CEP112: variants seen among roughly 807,000 people sequenced by gnomAD.
CEP112 encodes the protein centrosomal protein 112.
In CEP112, 127 loss-of-function variants were observed where a neutral mutation model predicts 153.0. The observed-to-expected ratio is 0.83, with a 90% CI of 0.72 to 0.96. The LOEUF (loss-of-function observed/expected upper bound fraction) is 0.96. Ranked by LOEUF, CEP112 falls within the 40% of genes least tolerant of loss-of-function variation. The probability of loss-of-function intolerance (pLI) is 0.00; values close to 1 mark genes in which losing one functional copy is unlikely to be tolerated. For missense variants in CEP112, 1,089 were observed against 1,101.2 expected, an observed-to-expected ratio of 0.99 and a Z score of 0.16; for synonymous variants, 358 against 374.4, an observed-to-expected ratio of 0.96 and a Z score of 0.51.
At chr17:66,127,921 C>A (rs558860538) in intron 6 of CEP112, among the ~76,000 whole-genome samples, 1 of 152,262 alleles carries the variant, frequency 6.6e-6, no homozygotes, top group East Asian at 1.9e-4. Flanking sequence ...TTCAATCAGT[C>A]ACTTAGCACA....
chr17:65,985,477 C>A (rs2063373877), intron 17 of CEP112, among the ~76,000 whole-genome samples: 1 of 152,128 alleles, frequency 6.6e-6, no homozygotes, highest in Non-Finnish European at 1.5e-5. Flanking sequence ...TAGAGGAGGA[C>A]CACTTGTCAG....
At chr17:66,107,590 G>C (rs1438221356) in intron 6 of CEP112, among the ~76,000 whole-genome samples, 1 of 151,684 alleles carries the variant, frequency 6.6e-6, no homozygotes, top group Non-Finnish European at 1.5e-5. Context: ...TTAAATAAAA[G>C]AGTGAAAGAT....
At chr17:65,916,289 G>GTGTGTGTGTATGTGTGTA (rs777844271) in intron 19 of CEP112, among the ~76,000 whole-genome samples, 1 of 147,248 alleles carries the variant, frequency 6.8e-6, no homozygotes, top group Non-Finnish European at 1.5e-5. Context: ...GTGTGTGTGT[G>GTGTGTGTGTATGTGTGTA]TGTATGTGTG....
intron 8 of CEP112, among the ~76,000 whole-genome samples, chr17:66,085,967 G>A (rs914614016): frequency 9.0e-6 from 1 of 111,176 alleles, no homozygotes; most frequent in Non-Finnish European, 1.7e-5. Context: ...ACGACAGAGC[G>A]AGACTCCGTC....
At chr17:65,915,616 T>C (rs1473561654) in intron 19 of CEP112, among the ~76,000 whole-genome samples, 1 of 151,868 alleles carries the variant, frequency 6.6e-6, no homozygotes, top group Non-Finnish European at 1.5e-5. Context: ...AAACCCTGTC[T>C]CTGCTAAAAA....
intron 23 of CEP112, among the ~76,000 whole-genome samples, chr17:65,725,794 T>G (rs1252888336): frequency 2.0e-5 from 3 of 152,114 alleles, no homozygotes; most frequent in African/African-American, 7.2e-5. Context: ...GACTTATTCA[T>G]TACCACTAGA....
intron 24 of CEP112, among the ~76,000 whole-genome samples, chr17:65,682,480 C>T (rs558619999): frequency 1.6e-4 from 25 of 152,294 alleles, no homozygotes; most frequent in Non-Finnish European, 3.5e-4. Context: ...TAAAATATAA[C>T]CTCAGTCATC....
chr17:65,639,984 T>G (rs1221416083), intron 25 of CEP112, among the ~76,000 whole-genome samples: 1 of 145,638 alleles, frequency 6.9e-6, no homozygotes, highest in African/African-American at 2.6e-5. Context: ...ATAACAGGCA[T>G]GCACCACCAT....
intron 20 of CEP112, among the ~76,000 whole-genome samples, chr17:65,893,537 G>A (rs2059552770): frequency 6.6e-6 from 1 of 151,964 alleles, no homozygotes; most frequent in African/African-American, 2.4e-5. Flanking sequence ...AATTTTCCTT[G>A]AATTTTAATA....
chr17:65,837,126 G>A (rs1467716406), intron 21 of CEP112, among the ~76,000 whole-genome samples: 2 of 152,210 alleles, frequency 1.3e-5, no homozygotes, highest in African/African-American at 4.8e-5. Context: ...CCAGGCTGGA[G>A]TGCAGTGGCG....
intron 4 of CEP112, among the ~76,000 whole-genome samples, chr17:66,147,616 A>G (rs902461817): frequency 6.6e-6 from 1 of 151,964 alleles, no homozygotes; most frequent in African/African-American, 2.4e-5. Flanking sequence ...GCTTTTCCCT[A>G]TGTCTTCCGT....
At chr17:65,803,616 A>G (rs895340546) in intron 21 of CEP112, among the ~76,000 whole-genome samples, 2 of 152,208 alleles carry the variant, frequency 1.3e-5, no homozygotes, top group East Asian at 1.9e-4. Context: ...TGACTGCACT[A>G]TGTAATCAAG....
intron 8 of CEP112, among the ~76,000 whole-genome samples, chr17:66,074,948 C>T (rs886114426): frequency 6.6e-6 from 1 of 151,192 alleles, no homozygotes; most frequent in Non-Finnish European, 1.5e-5. Flanking sequence ...ACAACAGGCT[C>T]CCCAACAGAA....
At chr17:65,781,521 C>CAA (rs57368765) in intron 21 of CEP112, among the ~76,000 whole-genome samples, 3 of 149,222 alleles carry the variant, frequency 2.0e-5, no homozygotes, top group African/African-American at 7.4e-5. Flanking sequence ...TCATATGGAA[C>CAA]AAAAAAAAAA....
chr17:65,765,566 C>A (rs1384711818), intron 21 of CEP112, among the ~76,000 whole-genome samples: 1 of 152,054 alleles, frequency 6.6e-6, no homozygotes, highest in African/African-American at 2.4e-5. Context: ...TGCTTGCAAG[C>A]CATGTTAGAC....
At chr17:65,897,372 T>C (rs2059692975) in intron 20 of CEP112, among the ~76,000 whole-genome samples, 1 of 152,172 alleles carries the variant, frequency 6.6e-6, no homozygotes, top group Non-Finnish European at 1.5e-5. Context: ...CAGGTGTAAG[T>C]ATCTTTTACT....
At chr17:65,639,451 G>A (rs1453836999) in intron 25 of CEP112, among the ~76,000 whole-genome samples, 2 of 151,964 alleles carry the variant, frequency 1.3e-5, no homozygotes, top group Admixed American at 6.6e-5. Context: ...TGAGGTGGGC[G>A]AATTGCTTGA....
intron 4 of CEP112, among the ~76,000 whole-genome samples, chr17:66,156,441 G>A (rs568951814): frequency 6.6e-6 from 1 of 152,248 alleles, no homozygotes; most frequent in South Asian, 2.1e-4. Flanking sequence ...AGCACAAAAA[G>A]GCTGAAAATT....
At chr17:65,910,408 C>T (rs2060241615) in intron 19 of CEP112, among the ~76,000 whole-genome samples, 1 of 151,892 alleles carries the variant, frequency 6.6e-6, no homozygotes, top group Non-Finnish European at 1.5e-5. Flanking sequence ...ACTAGAGAAA[C>T]ATTAATTACA....
Sources: allele counts gnomAD v4.1 joint callset (sites outside exome capture counted in the v4.1 genomes callset), GRCh38; gene constraint gnomAD v4.1.1; transcripts MANE v1.5; gene names NCBI Gene and HGNC (gene_info 2026-07-23, HGNC 2026-07-21).